MTHFD1L: variants seen among roughly 807,000 people sequenced by gnomAD.
The protein encoded by MTHFD1L is methylenetetrahydrofolate dehydrogenase (NADP+ dependent) 1 like, also known as monofunctional C1-tetrahydrofolate synthase, mitochondrial.
MTHFD1L carries 81 observed loss-of-function variants against 119.5 expected under a neutral mutation model. The ratio of observed to expected loss-of-function variants is 0.68; its 90% CI spans 0.57 to 0.82. The LOEUF (loss-of-function observed/expected upper bound fraction) is 0.82, where lower values mean the gene tolerates loss of function less well. MTHFD1L is among the 40% of genes least tolerant of loss of function. The pLI is 0.00. For synonymous variants in MTHFD1L, 430 were observed against 475.2 expected (o/e 0.90, Z 1.24); for missense variants, 1,125 against 1,253.4 (o/e 0.90, Z 1.55).
At chr6:150,982,409 G>T (rs537600429) in intron 20 of MTHFD1L, among the ~76,000 whole-genome samples, 2 of 152,150 alleles carry the variant, frequency 1.3e-5, no homozygotes, top group African/African-American at 4.8e-5. Context: ...CCTTCTGTGC[G>T]TGCATGTAGC....
intron 27 of MTHFD1L, among the ~76,000 whole-genome samples, chr6:151,096,767 T>C (rs958730796): frequency 6.6e-6 from 1 of 152,210 alleles, no homozygotes; most frequent in Non-Finnish European, 1.5e-5. Context: ...AAGAAGATTG[T>C]GCTTGGTTGA....
At chr6:151,068,182 T>C (rs186765747) in intron 26 of MTHFD1L, among the ~76,000 whole-genome samples, 9 of 152,364 alleles carry the variant, frequency 5.9e-5, no homozygotes, top group Admixed American at 5.9e-4. Context: ...TGTGTTTTGA[T>C]TCAGTCTAAA....
At chr6:150,996,491 G>T (rs1428144745) in intron 20 of MTHFD1L, among the ~76,000 whole-genome samples, 1 of 152,068 alleles carries the variant, frequency 6.6e-6, no homozygotes, top group African/African-American at 2.4e-5. Context: ...CTTAACATCA[G>T]CAGCAGCAGA....
intron 13 of MTHFD1L, 76 bp downstream of exon 13, chr6:150,938,821 C>T: frequency 6.7e-7 from 1 of 1,496,398 alleles, no homozygotes; most frequent in African/African-American, 1.4e-5. Context: ...CCCATCCACA[C>T]AGGCCCACAG....
chr6:150,961,812 T>C (rs961870737), intron 18 of MTHFD1L, among the ~76,000 whole-genome samples: 1 of 152,212 alleles, frequency 6.6e-6, no homozygotes, highest in Non-Finnish European at 1.5e-5. Flanking sequence ...ATAAAAGTGC[T>C]GCTTTATTAA....
intron 11 of MTHFD1L, among the ~76,000 whole-genome samples, chr6:150,935,746 T>G (rs1791944539): frequency 6.6e-6 from 1 of 152,206 alleles, no homozygotes; most frequent in Non-Finnish European, 1.5e-5. Flanking sequence ...AATGCAGTGC[T>G]TCTTAAAGTG....
At chr6:150,880,145 A>G (rs557830077) in intron 4 of MTHFD1L, among the ~76,000 whole-genome samples, 28 of 152,294 alleles carry the variant, frequency 1.8e-4, no homozygotes, top group African/African-American at 6.5e-4. Context: ...GAAATATACA[A>G]TACATTGTCA....
rs753459390 is a variant in MTHFD1L at position 150,882,877 on chromosome 6, A to G, written c.533A>G (p.Asp178Gly). Residue 178 changes from aspartate (D) to glycine (G), a missense_variant, in exon 5 of 28, where the codon GAT (aspartate) becomes GGT (glycine). Around this residue, in one of 3 missense-constraint regions of MTHFD1L, gnomAD observed 1,058 missense variants for 1,151.2 expected, o/e 0.92. Transcript: ENST00000367321. ...CTCAATGCCTTGAAACCAGAAAAAG[A>G]TGTGGATGGGTAAGAAAATAAAATC... ...KVLNALKPEK[D>G]VDGVTDINLG... 5 of 1,567,788 alleles carry G rather than the reference A, an allele frequency of 3.2e-6. No homozygotes were observed. The African/African-American group carries it at 7.0e-5, about 22-fold the overall frequency.
chr6:151,008,168 G>T (rs1781662504), intron 20 of MTHFD1L, among the ~76,000 whole-genome samples: 1 of 152,142 alleles, frequency 6.6e-6, no homozygotes, highest in South Asian at 2.1e-4. Context: ...GTAACAGGGG[G>T]AACAATTTTG....
intron 1 of MTHFD1L, among the ~76,000 whole-genome samples, chr6:150,872,654 T>C (rs942038006): frequency 2.0e-5 from 3 of 152,160 alleles, no homozygotes; most frequent in African/African-American, 7.2e-5. Flanking sequence ...TATCAAAATG[T>C]GACACAAATT....
chr6:151,052,344 T>G (rs1789193497), intron 26 of MTHFD1L, among the ~76,000 whole-genome samples: 1 of 152,188 alleles, frequency 6.6e-6, no homozygotes. Flanking sequence ...TGCTATGCAC[T>G]GTGCACTGAG....
chr6:150,870,390 T>C (rs1040410564), intron 1 of MTHFD1L, among the ~76,000 whole-genome samples: 3 of 152,190 alleles, frequency 2.0e-5, no homozygotes, highest in African/African-American at 7.2e-5. Flanking sequence ...GTAGGGAGCA[T>C]GAACCTATTT....
intron 20 of MTHFD1L, among the ~76,000 whole-genome samples, chr6:150,992,835 C>T (rs1326930175): frequency 6.6e-6 from 1 of 152,086 alleles, no homozygotes; most frequent in South Asian, 2.1e-4. Context: ...AGCAGGGCTA[C>T]GACTCTCTCT....
rs1782220144 is a variant in MTHFD1L at position 151,011,528 on chromosome 6, CTT to C, written c.2265+1571_2265+1572del. Among the ~76,000 whole-genome samples, 4 of 152,344 alleles carry C rather than the reference CTT, an allele frequency of 2.6e-5. No homozygotes were observed. In the South Asian group the frequency reaches 8.3e-4, roughly 32 times the overall value. ...CTGATCAGATCTACAGTCCTGGTCT[CTT>C]GACATCAGTCCCATAGTTTTCCAGA... On this transcript the variant is annotated intron_variant, in intron 21 of 27. Coordinates refer to ENST00000367321, the MANE Select transcript of MTHFD1L (RefSeq NM_015440.5).
chr6:151,077,828 C>T (rs1792697497), intron 26 of MTHFD1L, among the ~76,000 whole-genome samples: 1 of 152,016 alleles, frequency 6.6e-6, no homozygotes, highest in Non-Finnish European at 1.5e-5. Flanking sequence ...CTTTGGAAGG[C>T]CGAGGCGGGC....
In MTHFD1L at chr6:150,865,746, C is replaced by A; in HGVS notation, c.-77C>A. The stretch of plus-strand genomic sequence containing the variant: ...CCCGCCGCCGCCGCCGCCGCCGCCG[C>A]CTGCTCCCCTGGCACGCGCCCCGCC... On this transcript the variant is annotated 5_prime_UTR_variant, in exon 1 of 28. Coordinates refer to ENST00000367321, the MANE Select transcript of MTHFD1L (RefSeq NM_015440.5). 1 of 1,172,064 alleles carries A rather than the reference C, an allele frequency of 8.5e-7. No homozygotes were observed. Among genetic ancestry groups the A allele is most frequent in the South Asian group, 2.3e-5 (1 of 43,604 alleles). 72.6% of individuals were successfully genotyped at this position (1,172,064 alleles called of 1,614,324 possible).
At chr6:151,068,833 A>G (rs904306717) in intron 26 of MTHFD1L, among the ~76,000 whole-genome samples, 7 of 152,318 alleles carry the variant, frequency 4.6e-5, no homozygotes, top group African/African-American at 1.7e-4. Context: ...GCAATGACAC[A>G]TTCATTGGAG....
intron 17 of MTHFD1L, among the ~76,000 whole-genome samples, chr6:150,958,521 T>C (rs1795966548): frequency 6.6e-6 from 1 of 152,198 alleles, no homozygotes; most frequent in African/African-American, 2.4e-5. Flanking sequence ...AGGAAATTCA[T>C]ACCAATTCAC....
intron 1 of MTHFD1L, among the ~76,000 whole-genome samples, chr6:150,875,502 A>C (rs573695945): frequency 6.6e-6 from 1 of 152,084 alleles, no homozygotes; most frequent in Admixed American, 6.5e-5. Context: ...CTCTCTCTCT[A>C]GGAGGCTTTG....
Sources: gnomAD v4.1 joint callset for allele counts (sites outside exome capture counted in the v4.1 genomes callset) on GRCh38, gnomAD v4.1.1 for gene constraint, gnomAD v4.1.1 regional missense constraint, MANE v1.5 for transcripts, NCBI Gene and HGNC (gene_info 2026-07-23, HGNC 2026-07-21) for gene names.